The following RBM27 variants were observed in gnomAD, a reference collection of about 807,000 sequenced individuals.
The protein encoded by RBM27 is RNA binding motif protein 27.
Under a neutral mutation model 135.3 loss-of-function variants are expected in RBM27, and 22 were observed. That is an observed-to-expected ratio of 0.16 (90% CI 0.12 to 0.23). RBM27 has a LOEUF of 0.23. RBM27 is among the 10% of genes least tolerant of loss of function. RBM27 has a pLI of 1.00. For synonymous variants in RBM27, 481 were observed against 442.4 expected, an observed-to-expected ratio of 1.09 and a Z score of -1.10; for missense variants, 1,009 against 1,281.0, an observed-to-expected ratio of 0.79 and a Z score of 3.24.
rs116095361 is a variant in RBM27, at chr5:146,261,120, A to G, written c.1893+222A>G. ...GTTCTTTTCTGCAATCTCTTCCTGA[A>G]AGAGAATGGGTAGCCTCACAGTTTT... On this transcript the variant is annotated intron_variant, in intron 12 of 20. Transcript: ENST00000265271. 4.5e-3 allele frequency among the ~76,000 whole-genome samples: 693 copies of G among 152,316 alleles called. 7 individuals carry two copies. The highest frequency in any genetic ancestry group is 0.016 in the African/African-American group (663 of 41,568).
At chr5:146,238,677 A>G (rs1757272377) in intron 8 of RBM27, among the ~76,000 whole-genome samples, 1 of 149,586 alleles carries the variant, frequency 6.7e-6, no homozygotes, top group African/African-American at 2.5e-5. Flanking sequence ...TTTTTTTTAC[A>G]AGGCCTGGTA....
At chr5:146,267,900 A>G in intron 15 of RBM27, 132 bp downstream of exon 15, 1 of 963,430 alleles carries the variant, frequency 1.0e-6, no homozygotes, top group South Asian at 1.8e-5. Flanking sequence ...CTTCTTCTCT[A>G]ATGTAAACTT....
At chr5:146,279,472 A>C (rs1759237683) in intron 19 of RBM27, among the ~76,000 whole-genome samples, 1 of 150,856 alleles carries the variant, frequency 6.6e-6, no homozygotes, top group Non-Finnish European at 1.5e-5. Context: ...AAAAAAAAAC[A>C]AAACTTTTAA....
chr5:146,257,145 A>C (rs1424547924), intron 10 of RBM27, among the ~76,000 whole-genome samples: 1 of 152,240 alleles, frequency 6.6e-6, no homozygotes, highest in Non-Finnish European at 1.5e-5. Flanking sequence ...GAATCTTTAC[A>C]TCATAATTTC....
In RBM27 at chr5:146,210,532, C is replaced by T. The variant is rs750844829; in HGVS notation, c.59+6708C>T. Among the ~76,000 whole-genome samples, 4 of 152,096 alleles carry T rather than the reference C, an allele frequency of 2.6e-5. No individual in the cohort carries two copies. The East Asian group carries it at 5.8e-4, about 22-fold the overall frequency. ...CAAAAAAAAAAATATGTGAAAGGAG[C>T]CTGCTTGTTACCATGAGAGGACACA... On this transcript the variant is annotated intron_variant, in intron 1 of 20. Transcript: ENST00000265271.
chr5:146,245,595 G>C (rs1370092869), intron 8 of RBM27, among the ~76,000 whole-genome samples: 1 of 152,084 alleles, frequency 6.6e-6, no homozygotes, highest in Non-Finnish European at 1.5e-5. Context: ...TTTGAGATTT[G>C]CTCATTTAAT....
chr5:146,232,965 A>T (rs1226387408), intron 6 of RBM27, among the ~76,000 whole-genome samples: 1 of 152,226 alleles, frequency 6.6e-6, no homozygotes, highest in Non-Finnish European at 1.5e-5. Flanking sequence ...GTACAGTGCT[A>T]CAAGTGATAA....
chr5:146,285,922 C>T lies in RBM27; in HGVS notation c.3100-25C>T. On this transcript the variant is annotated intron_variant, in intron 20 of 20. Coordinates refer to ENST00000265271, the MANE Select transcript of RBM27 (RefSeq NM_018989.2). ...TACTTACCATTCTTGTGCCACTAAG[C>T]AGATTTTAACCTCTCTTTCTTCAGG... 1.9e-6 allele frequency: 3 copies of T among 1,572,186 alleles called. No individual in the cohort carries two copies. The South Asian group carries it at 3.3e-5, about 17-fold the overall frequency.
rs1174496700 is a variant in RBM27, at chr5:146,286,378, A to G, written c.*348A>G. 6.2e-6 allele frequency: 1 copy of G among 161,938 alleles called. No homozygotes were observed. The highest frequency in any genetic ancestry group is 1.3e-5 in the Non-Finnish European group (1 of 74,764). The allele number at this position is 161,938 out of a possible 1,614,324, so 10.0% of individuals were successfully genotyped here. A position where few individuals can be genotyped will look rare whatever the true frequency, so the allele number is the denominator to read the frequency against. ...TTTTATTTTGGATTATAATCTACTG[A>G]TAAAATTTAATTAAATGTCAAAATC... On this transcript the variant is annotated 3_prime_UTR_variant, in exon 21 of 21. Transcript: ENST00000265271.
chr5:146,237,137 C>T (rs1272277107), intron 7 of RBM27, among the ~76,000 whole-genome samples, 161 bp from the exon 8 acceptor site: 1 of 152,098 alleles, frequency 6.6e-6, no homozygotes, highest in Non-Finnish European at 1.5e-5. Context: ...CGAGGTTTCT[C>T]CATGTTGGTC....
At position 146,254,041 on chromosome 5, in the gene RBM27, T is replaced by A. The variant is rs7721797; in HGVS notation, c.1445-902T>A. Among the ~76,000 whole-genome samples, 378 of 152,336 alleles carry A rather than the reference T, an allele frequency of 2.5e-3. 3 individuals are homozygous for A. The highest frequency in any genetic ancestry group is 8.9e-3 in the African/African-American group (370 of 41,582). ...GTTTGAAGAAGTGTACATAACCAAA[T>A]GAATACATTTTCTTTTCACCTCAAT... is the stretch of plus-strand genomic sequence containing the variant. On this transcript the variant is annotated intron_variant, in intron 9 of 20. Coordinates refer to ENST00000265271, the MANE Select transcript of RBM27 (RefSeq NM_018989.2).
At chr5:146,240,290 T>TTCTA (rs35362035) in intron 8 of RBM27, among the ~76,000 whole-genome samples, 2 of 146,582 alleles carry the variant, frequency 1.4e-5, no homozygotes, top group East Asian at 2.0e-4. Flanking sequence ...GATTGCTGTT[T>TTCTA]TCTATCTGTC....
Position 146,233,631 on chromosome 5 carries a change from C to T in RBM27, c.1032C>T (p.Gly344=). 6.3e-7 allele frequency: 1 copy of T among 1,593,764 alleles called. No individual in the cohort carries two copies. The highest frequency in any genetic ancestry group is 8.6e-7 in the Non-Finnish European group (1 of 1,168,506). The change falls in exon 7 of 21, where the codon GGC becomes GGT. Residue 344 remains glycine, a synonymous_variant. Transcript: ENST00000265271. ...PPMPGPGPGP[G]PGPGPGPGPG... is the part of the protein sequence containing the mutation. The stretch of plus-strand genomic sequence containing the variant: ...TGCCAGGTCCAGGCCCAGGCCCGGG[C>T]CCAGGTCCAGGCCCAGGCCCGGGCC...
chr5:146,205,277 A>G (rs893834201), intron 1 of RBM27, among the ~76,000 whole-genome samples: 26 of 152,220 alleles, frequency 1.7e-4, no homozygotes, highest in Non-Finnish European at 2.6e-4. Context: ...ACTGGAAGGG[A>G]AAGAATCATG....
At chr5:146,221,147 C>CA (rs77849788) in intron 2 of RBM27, among the ~76,000 whole-genome samples, 3,486 of 83,888 alleles carry the variant, frequency 0.042, 126 homozygotes, top group African/African-American at 0.13. Context: ...GACTCCATCT[C>CA]AAAAAAAAAA....
At chr5:146,215,539 T>G (rs1440096259) in intron 1 of RBM27, among the ~76,000 whole-genome samples, 1 of 152,190 alleles carries the variant, frequency 6.6e-6, no homozygotes, top group Non-Finnish European at 1.5e-5. Context: ...TTTTTCTAAG[T>G]CCTTTTCTTC....
chr5:146,260,419 TTAC>T (rs954241559), intron 11 of RBM27, among the ~76,000 whole-genome samples: 7 of 152,320 alleles, frequency 4.6e-5, no homozygotes, highest in African/African-American at 1.7e-4. Flanking sequence ...AGATGTGGTC[TTAC>T]TATGTTCCCC....
At chr5:146,280,891 T>A (rs1759317737) in intron 19 of RBM27, among the ~76,000 whole-genome samples, 1 of 152,154 alleles carries the variant, frequency 6.6e-6, no homozygotes, top group Non-Finnish European at 1.5e-5. Context: ...AGAGTCTCGC[T>A]CTGTCACTCA....
In RBM27 at chr5:146,274,732, C is replaced by T. The variant is rs73303454; in HGVS notation, c.2988+3058C>T. Among the ~76,000 whole-genome samples, 91 of 152,132 alleles carry T rather than the reference C, an allele frequency of 6.0e-4. 1 individual carries two copies. Among genetic ancestry groups the T allele is most frequent in the African/African-American group, 2.1e-3 (89 of 41,492 alleles). On this transcript the variant is annotated intron_variant, in intron 19 of 20. Coordinates refer to ENST00000265271, the MANE Select transcript of RBM27 (RefSeq NM_018989.2). ...TATGAAAGGTATATTTACATTAAAG[C>T]ATATACAAATTTAAAATACATAGAA...
Sources: allele counts gnomAD v4.1 joint callset (sites outside exome capture counted in the v4.1 genomes callset), GRCh38; gene constraint gnomAD v4.1.1; transcripts MANE v1.5; gene names NCBI Gene and HGNC (gene_info 2026-07-23, HGNC 2026-07-21).